Variants in GTPBP8 observed in about 807,000 individuals in gnomAD.
The protein encoded by GTPBP8 is GTP binding protein 8.
Under a neutral mutation model 27.3 loss-of-function variants are expected in GTPBP8, and 21 were observed. The observed-to-expected ratio is 0.77, with a 90% confidence interval of 0.55 to 1.11. The LOEUF (loss-of-function observed/expected upper bound fraction) is 1.11, where lower values mean the gene tolerates loss of function less well. Ranked by LOEUF, GTPBP8 falls within the 50% of genes least tolerant of loss-of-function variation. The pLI, the probability that GTPBP8 is intolerant of heterozygous loss-of-function variation, is 0.00. For missense variants in GTPBP8, 380 were observed against 350.8 expected (o/e 1.08, Z -0.67); for synonymous variants, 147 against 135.3 (o/e 1.09, Z -0.60).
rs1054263 is a variant in GTPBP8 at position 112,999,505 on chromosome 3, G to C, written c.726G>C (p.Gln242His). The change falls in exon 5 of 6, where the codon CAG becomes CAC. Residue 242 changes from glutamine (Q) to histidine (H), a missense_variant. Gln to His is a conservative substitution (Grantham distance 24). Coordinates refer to ENST00000383678, the MANE Select transcript of GTPBP8 (RefSeq NM_014170.4). ...GACATCTTTTAAAACAAGTGCTTCAGATCCAGAAATTTGTTAACATGAAAA... is the reference window on the plus strand; with the variant it reads ...GACATCTTTTAAAACAAGTGCTTCACATCCAGAAATTTGTTAACATGAAAA... ...SKGHLLKQVL[Q>H]IQKFVNMKTQ... is the part of the protein sequence containing the mutation. 1 of 1,544,796 alleles carries C rather than the reference G, an allele frequency of 6.5e-7. No individual in the cohort carries two copies.
intron 4 of GTPBP8, among the ~76,000 whole-genome samples, chr3:112,998,126 C>T (rs73214381): frequency 0.22 from 33,306 of 152,090 alleles, 4,533 homozygotes; most frequent in Non-Finnish European, 0.3. Flanking sequence ...CCTCTGCTCT[C>T]ATACCACAAC....
chr3:112,999,806 A>C (rs534527624), intron 5 of GTPBP8, among the ~76,000 whole-genome samples: 6 of 152,164 alleles, frequency 3.9e-5, no homozygotes, highest in Non-Finnish European at 8.8e-5. Flanking sequence ...AGTCCATTAT[A>C]TCATTCTTAT....
intron 5 of GTPBP8, 114 bp from the exon 6 acceptor site, chr3:113,000,736 G>C (rs563050594): frequency 7.9e-6 from 5 of 632,134 alleles, no homozygotes; most frequent in African/African-American, 7.5e-5. Context: ...CACATTAAAA[G>C]ATGTTCTGCT....
At chr3:112,993,826 C>T (rs936119890) in intron 2 of GTPBP8, among the ~76,000 whole-genome samples, 16 of 152,192 alleles carry the variant, frequency 1.1e-4, no homozygotes, top group African/African-American at 3.9e-4. Flanking sequence ...TTGCTCCTCA[C>T]TTCATAAAAT....
chr3:112,995,346 TA>T, intron 3 of GTPBP8, 81 bp downstream of exon 3: 1 of 833,544 alleles, frequency 1.2e-6, no homozygotes, highest in Non-Finnish European at 1.9e-6. Flanking sequence ...TACACATGAT[TA>T]ACACTTCAGT....
Position 112,991,316 on chromosome 3 carries a change from CG to C in GTPBP8, c.319del (p.Asp107ThrfsTer10). On this transcript the variant is annotated frameshift_variant, in exon 1 of 6. Coordinates refer to ENST00000383678, the MANE Select transcript of GTPBP8 (RefSeq NM_014170.4). LOFTEE classifies it high-confidence loss of function. ...TCCGCCGTCCGTATCGACCACGCCC[CG>C]GACCTTCCGCGGCCAGAGGTGAGAG... ...VSSAVRIDHA[P>X]DLPRPEVCFI... The C allele has an allele frequency of 6.2e-7, 1 of 1,613,660 alleles. No homozygotes were observed. The highest frequency in any genetic ancestry group is 8.5e-7 in the Non-Finnish European group (1 of 1,180,022).
rs1933855804 is a variant in GTPBP8 at position 112,999,711 on chromosome 3, CA to C, written c.785+148del. The C allele has an allele frequency of 5.4e-6, 3 of 559,832 alleles. No homozygotes were observed. The East Asian group carries it at 8.3e-5, about 15-fold the overall frequency. The allele number at this position is 559,832 out of a possible 1,614,324, so 34.7% of individuals were successfully genotyped here. A position where few individuals can be genotyped will look rare whatever the true frequency, so the allele number is the denominator to read the frequency against. ...AGTGGTTATTTATGAGATTTTAGTG[CA>C]CCCATCACCTGAGCAGTGTACACTG... is the stretch of plus-strand genomic sequence containing the variant. On this transcript the variant is annotated intron_variant, in intron 5 of 5. Transcript: ENST00000383678.
chr3:112,999,625 T>A, intron 5 of GTPBP8, 61 bp downstream of exon 5: 1 of 603,526 alleles, frequency 1.7e-6, no homozygotes, highest in South Asian at 2.5e-5. Flanking sequence ...ATGTTGTGGG[T>A]TTTTTTTTTA....
chr3:113,001,678 T>C lies in GTPBP8; in HGVS notation c.*759T>C, dbSNP rs1933917155. On this transcript the variant is annotated 3_prime_UTR_variant, in exon 6 of 6. Transcript: ENST00000383678. Reference sequence around the variant, plus strand: ...GGTAGATTTATTACAAGAAATGTCCTTTCATGGGGGAAGTAACATTTTCAC... The same window carrying C: ...GGTAGATTTATTACAAGAAATGTCCCTTCATGGGGGAAGTAACATTTTCAC... The C allele has an allele frequency of 6.6e-6, 1 of 152,214 alleles. No homozygotes were observed. Among genetic ancestry groups the C allele is most frequent in the Admixed American group, 6.5e-5 (1 of 15,286 alleles). 9.4% of individuals were successfully genotyped at this position (152,214 alleles called of 1,614,324 possible). A position where few individuals can be genotyped will look rare whatever the true frequency, so the allele number is the denominator to read the frequency against.
chr3:112,998,960 C>T (rs1432736065), intron 4 of GTPBP8, among the ~76,000 whole-genome samples: 6 of 152,134 alleles, frequency 3.9e-5, no homozygotes, highest in African/African-American at 1.4e-4. Context: ...TGTCTCTGGA[C>T]AAGTAGAATT....
chr3:112,999,768 C>T (rs1048409195), intron 5 of GTPBP8, among the ~76,000 whole-genome samples: 1 of 151,882 alleles, frequency 6.6e-6, no homozygotes, highest in Admixed American at 6.5e-5. Context: ...TTCGCTCACC[C>T]CTCCCACCTT....
At chr3:112,998,252 C>T (rs927157706) in intron 4 of GTPBP8, among the ~76,000 whole-genome samples, 2 of 152,150 alleles carry the variant, frequency 1.3e-5, no homozygotes, top group African/African-American at 4.8e-5. Context: ...TCCTCCCACC[C>T]GGCTTCAGAC....
chr3:112,995,249 C>A lies in GTPBP8; in HGVS notation c.550C>A (p.Leu184Ile). The change falls in exon 3 of 6, where the codon CTA (leucine) becomes ATA (isoleucine). Residue 184 changes from leucine (L) to isoleucine (I), a missense_variant. Physicochemically the swap from Leu to Ile is conservative, Grantham distance 5. Transcript: ENST00000383678. ...EDFVDMVETY[L>I]KERRNLKRTF... ...TTTTGTTGACATGGTAGAGACCTAT[C>A]TAAAAGAACGAAGGAAGTAAGGAAA... The A allele has an allele frequency of 1.3e-6, 2 of 1,591,574 alleles. No individual in the cohort carries two copies. The highest frequency in any genetic ancestry group is 2.3e-5 in the South Asian group (2 of 86,848).
intron 1 of GTPBP8, among the ~76,000 whole-genome samples, chr3:112,992,700 C>T (rs968042395): frequency 6.6e-6 from 1 of 152,108 alleles, no homozygotes; most frequent in African/African-American, 2.4e-5. Flanking sequence ...ATAAAAGTTG[C>T]ATATATTCTT....
rs368428403 is a variant in GTPBP8, at chr3:112,991,316, C to T, written c.317C>T (p.Pro106Leu). 6.2e-6 allele frequency: 10 copies of T among 1,613,660 alleles called. No homozygotes were observed. The African/African-American group carries it at 1.1e-4, about 17-fold the overall frequency. ...TCCGCCGTCCGTATCGACCACGCCCCGGACCTTCCGCGGCCAGAGGTGAGA... is the reference window on the plus strand; with the variant it reads ...TCCGCCGTCCGTATCGACCACGCCCTGGACCTTCCGCGGCCAGAGGTGAGA... The part of the protein sequence containing the change: ...VSSAVRIDHA[P>L]DLPRPEVCFI... The change falls in exon 1 of 6, where the codon CCG (proline) becomes CTG (leucine). Residue 106 changes from proline (P) to leucine (L), a missense_variant. Physicochemically the swap from Pro to Leu is moderately conservative, Grantham distance 98 (BLOSUM62 -3). Transcript: ENST00000383678.
rs1373615427 is a variant in GTPBP8 at position 112,993,006 on chromosome 3, C to A, written c.337-20C>A. 1 of 1,384,562 alleles carries A rather than the reference C, an allele frequency of 7.2e-7. No homozygotes were observed. Among genetic ancestry groups the A allele is most frequent in the Admixed American group, 1.7e-5 (1 of 57,460 alleles). 85.8% of individuals were successfully genotyped at this position (1,384,562 alleles called of 1,614,324 possible). On this transcript the variant is annotated intron_variant, in intron 1 of 5. Coordinates refer to ENST00000383678, the MANE Select transcript of GTPBP8 (RefSeq NM_014170.4). ...GCATATACAGCTAGTACGTACTTAT[C>A]TTGTTTTTTCTTGTATAAGGTGTGT...
chr3:112,994,460 A>G (rs1334348318), intron 2 of GTPBP8, among the ~76,000 whole-genome samples: 2 of 151,618 alleles, frequency 1.3e-5, no homozygotes, highest in Non-Finnish European at 2.9e-5. Context: ...TCATAATCTT[A>G]TCTTTTCTGA....
Position 113,000,941 on chromosome 3 carries a change from A to G in GTPBP8, c.*22A>G. On this transcript the variant is annotated 3_prime_UTR_variant, in exon 6 of 6. Coordinates refer to ENST00000383678, the MANE Select transcript of GTPBP8 (RefSeq NM_014170.4). The stretch of plus-strand genomic sequence containing the variant: ...CTAATGGTTCCCGGTTTAGCTGAAG[A>G]TTCAAAAAAAAAAAAAAAAGCTTTA... 1 of 1,207,584 alleles carries G rather than the reference A, an allele frequency of 8.3e-7. No individual in the cohort carries two copies. Among genetic ancestry groups the G allele is most frequent in the Non-Finnish European group, 1.2e-6 (1 of 844,592 alleles). 74.8% of individuals were successfully genotyped at this position (1,207,584 alleles called of 1,614,324 possible).
rs1933658685 is a variant in GTPBP8, at chr3:112,991,057, C to G, written c.58C>G (p.Leu20Val). 1.5e-5 allele frequency: 25 copies of G among 1,613,486 alleles called. No individual in the cohort carries two copies. The highest frequency in any genetic ancestry group is 1.9e-5 in the Non-Finnish European group (22 of 1,179,746). The change falls in exon 1 of 6, where the codon CTA becomes GTA. Residue 20 changes from leucine to valine, a missense_variant. By Grantham distance (32) the Leu-to-Val change is conservative. Transcript: ENST00000383678. ...AAGACTCTTTGAAATGCCTGCGGTG[C>G]TAGAGCGACTGAGCCGCTATAATAG... ...AGRLFEMPAVLERLSRYNSTS... is the reference protein window; with the variant it reads ...AGRLFEMPAVVERLSRYNSTS...
Sources: gnomAD v4.1 joint callset for allele counts (sites outside exome capture counted in the v4.1 genomes callset) on GRCh38, gnomAD v4.1.1 for gene constraint, MANE v1.5 for transcripts, NCBI Gene and HGNC (gene_info 2026-07-23, HGNC 2026-07-21) for gene names.